KIF21B: variants seen among roughly 807,000 people sequenced by gnomAD.
The protein encoded by KIF21B is kinesin-like protein KIF21B.
KIF21B carries 85 observed loss-of-function variants against 192.9 expected under a neutral mutation model. That is an observed-to-expected ratio of 0.44 (90% CI 0.37 to 0.53). The LOEUF (loss-of-function observed/expected upper bound fraction) is 0.53, where lower values mean the gene tolerates loss of function less well. Ranked by LOEUF, KIF21B falls within the 20% of genes least tolerant of loss-of-function variation. The pLI is 0.00. For synonymous variants in KIF21B, 832 were observed against 884.6 expected (o/e 0.94, Z 1.05); for missense variants, 1,716 against 2,194.8 (o/e 0.78, Z 4.36).
In KIF21B at chr1:200,990,265, C is replaced by G; in HGVS notation, c.2903G>C (p.Ser968Thr). 1.2e-6 allele frequency: 2 copies of G among 1,613,742 alleles called. No homozygotes were observed. The highest frequency in any genetic ancestry group is 1.7e-6 in the Non-Finnish European group (2 of 1,179,938). The change falls in exon 20 of 35, where the codon AGC becomes ACC. Residue 968 changes from serine to threonine, a missense_variant. By Grantham distance (58) the Ser-to-Thr change is moderately conservative. Around this residue, in one of 3 missense-constraint regions of KIF21B, gnomAD observed 1,087 missense variants for 1,316.6 expected, o/e 0.83. Transcript: ENST00000461742. The surrounding 1 kb of genome is among the most constrained non-coding windows in gnomAD (Gnocchi z 5.4). ...RRKRERLQAE[S>T]PEEEKGLQEL... The stretch of plus-strand genomic sequence containing the variant: ...CTGCAGCCCCTTCTCTTCCTCGGGG[C>G]TCTCAGCCTGCAGCCGCTCCCGCTT...
Position 200,999,208 on chromosome 1 carries a change from T to C in KIF21B, c.1885+141A>G, listed in dbSNP as rs1380791741. 3 of 987,314 alleles carry C rather than the reference T, an allele frequency of 3.0e-6. No individual in the cohort carries two copies. Among genetic ancestry groups the C allele is most frequent in the African/African-American group, 1.6e-5 (1 of 63,332 alleles). 61.2% of individuals were successfully genotyped at this position (987,314 alleles called of 1,614,324 possible). A position where few individuals can be genotyped will look rare whatever the true frequency, so the allele number is the denominator to read the frequency against. ...GAAGTGTTTGCCATCATTCTCATCA[T>C]GACTGCCTGTTGTCATTGGTTTCAC... On this transcript the variant is annotated intron_variant, in intron 13 of 34. Transcript: ENST00000461742. This position sits in a 1 kb window ranked among gnomAD's most constrained non-coding sequence, Gnocchi z 4.7.
intron 30 of KIF21B, among the ~76,000 whole-genome samples, chr1:200,978,237 C>T (rs993071477): frequency 2.0e-5 from 3 of 151,828 alleles, no homozygotes; most frequent in East Asian, 1.9e-4. Flanking sequence ...TTAGTAGAGA[C>T]GGGGTTTCAT....
intron 5 of KIF21B, 148 bp downstream of exon 5, chr1:201,005,160 C>G: frequency 8.1e-7 from 1 of 1,227,520 alleles, no homozygotes; most frequent in Non-Finnish European, 1.1e-6. Context: ...AATTGGGCAA[C>G]AAGGCTCAAG....
In KIF21B at chr1:200,982,965, G is replaced by T; in HGVS notation, c.3842+91C>A. The T allele has an allele frequency of 1.7e-6, 2 of 1,192,072 alleles. No homozygotes were observed. The highest frequency in any genetic ancestry group is 2.4e-6 in the Non-Finnish European group (2 of 834,140). The allele number at this position is 1,192,072 out of a possible 1,614,324, so 73.8% of individuals were successfully genotyped here. A position where few individuals can be genotyped will look rare whatever the true frequency, so the allele number is the denominator to read the frequency against. Reference sequence around the variant, plus strand: ...GGGGCCGCATGCTGAGGACACGGGTGTCAGGCGGGAGGGATGCAGCAAGAG... The same window carrying T: ...GGGGCCGCATGCTGAGGACACGGGTTTCAGGCGGGAGGGATGCAGCAAGAG... On this transcript the variant is annotated intron_variant, in intron 28 of 34. Transcript: ENST00000461742. This position sits in a 1 kb window ranked among gnomAD's most constrained non-coding sequence, Gnocchi z 4.7.
chr1:201,021,011 G>A lies in KIF21B; in HGVS notation c.41+2332C>T, dbSNP rs534200834. On this transcript the variant is annotated intron_variant, in intron 1 of 34. Transcript: ENST00000461742. ...ACCTGGCAGGAGGTAGTGAGCCCTGGGGCTGGACTAGGCCCTGGACAAGCC... is the reference window on the plus strand; with the variant it reads ...ACCTGGCAGGAGGTAGTGAGCCCTGAGGCTGGACTAGGCCCTGGACAAGCC... Among the ~76,000 whole-genome samples the A allele has an allele frequency of 4.6e-5, 7 of 152,310 alleles. No homozygotes were observed. The South Asian group carries it at 1.4e-3, about 32-fold the overall frequency.
chr1:201,005,593 G>A lies in KIF21B; in HGVS notation c.549C>T (p.Gly183=). 1 of 1,613,318 alleles carries A rather than the reference G, an allele frequency of 6.2e-7. No individual in the cohort carries two copies. The highest frequency in any genetic ancestry group is 8.5e-7 in the Non-Finnish European group (1 of 1,179,706). ...NIKIHEDANG[G]IYTTGVTSRL... ...GAGAAGTGACGCCAGTGGTGTAGATGCCACCGTTTGCGTCCTCGTGGATCT... is the reference window on the plus strand; with the variant it reads ...GAGAAGTGACGCCAGTGGTGTAGATACCACCGTTTGCGTCCTCGTGGATCT... Residue 183 remains glycine, a synonymous_variant, in exon 4 of 35, where the codon GGC becomes GGT. Coordinates refer to ENST00000461742, the MANE Select transcript of KIF21B (RefSeq NM_001252102.2).
intron 8 of KIF21B, 35 bp downstream of exon 8, chr1:201,003,551 G>A (rs754855243): frequency 6.2e-7 from 1 of 1,607,658 alleles, no homozygotes; most frequent in South Asian, 1.1e-5. Context: ...CTAGCTCCAA[G>A]GGGAGTGCTG....
intron 1 of KIF21B, among the ~76,000 whole-genome samples, chr1:201,011,122 C>T (rs1658209430): frequency 6.6e-6 from 1 of 152,264 alleles, no homozygotes; most frequent in African/African-American, 2.4e-5. Flanking sequence ...TCTTCGTCTC[C>T]CAACTGAATT....
At chr1:201,002,003 A>G in intron 9 of KIF21B, 158 bp downstream of exon 9, 1 of 626,066 alleles carries the variant, frequency 1.6e-6, no homozygotes, top group East Asian at 2.7e-5. Context: ...CTTGTGCCAT[A>G]CAAAAATGTT....
intron 26 of KIF21B, among the ~76,000 whole-genome samples, chr1:200,985,772 C>G (rs1291835562): frequency 2.1e-5 from 2 of 95,780 alleles, no homozygotes; most frequent in African/African-American, 9.1e-5. Context: ...CTCCCCCACT[C>G]CCCTCCCCTT....
intron 27 of KIF21B, among the ~76,000 whole-genome samples, chr1:200,984,437 T>A (rs147501374): frequency 5.9e-5 from 9 of 152,116 alleles, no homozygotes; most frequent in Admixed American, 2.0e-4. Flanking sequence ...GGAAGGCAAT[T>A]TGGGGGTCTG....
intron 8 of KIF21B, chr1:201,002,659 CAA>C: frequency 3.1e-6 from 1 of 317,926 alleles, no homozygotes; most frequent in Non-Finnish European, 5.9e-6. Flanking sequence ...GTCCAAGGGT[CAA>C]AACCCTCTCT....
At chr1:201,010,866 G>C (rs1172711231) in intron 1 of KIF21B, among the ~76,000 whole-genome samples, 1 of 152,226 alleles carries the variant, frequency 6.6e-6, no homozygotes, top group Non-Finnish European at 1.5e-5. Context: ...TCCACGGCAA[G>C]GGAGTTAAAG....
rs1046452080 is a variant in KIF21B at position 201,023,525 on chromosome 1, G to A, written c.-142C>T. 15 of 367,496 alleles carry A rather than the reference G, an allele frequency of 4.1e-5. No individual in the cohort carries two copies. Among genetic ancestry groups the A allele is most frequent in the Non-Finnish European group, 5.8e-5 (14 of 239,916 alleles). The allele number at this position is 367,496 out of a possible 1,614,324, so 22.8% of individuals were successfully genotyped here. A position where few individuals can be genotyped will look rare whatever the true frequency, so the allele number is the denominator to read the frequency against. On this transcript the variant is annotated 5_prime_UTR_variant, in exon 1 of 35. Coordinates refer to ENST00000461742, the MANE Select transcript of KIF21B (RefSeq NM_001252102.2). This position sits in a 1 kb window ranked among gnomAD's most constrained non-coding sequence, Gnocchi z 5.9. ...CGGCGGCGGCGGCTGGAGGTGACAT[G>A]CTCGCGGGCGGCAGGCCGAGGGGCT...
Position 201,004,847 on chromosome 1 carries a change from G to A in KIF21B, c.819C>T (p.Asp273=), listed in dbSNP as rs1238762046. ...ETLTAKFHFV[D]LAGSERLKRT... ...GCTTCAGCCGCTCTGAGCCGGCCAGGTCCACAAAGTGAAACTTAGCAGTGA... is the reference window on the plus strand; with the variant it reads ...GCTTCAGCCGCTCTGAGCCGGCCAGATCCACAAAGTGAAACTTAGCAGTGA... Residue 273 remains aspartate, a synonymous_variant, in exon 6 of 35, where the codon GAC becomes GAT. Coordinates refer to ENST00000461742, the MANE Select transcript of KIF21B (RefSeq NM_001252102.2). 1 of 1,614,018 alleles carries A rather than the reference G, an allele frequency of 6.2e-7. No individual in the cohort carries two copies.
Position 200,990,979 on chromosome 1 carries a change from G to A in KIF21B, c.2625C>T (p.Arg875=), listed in dbSNP as rs748008176. ...SVSSIVRQWN[R]KINHFLGDHP... is the part of the protein sequence containing the mutation. ...GGTCCCCCAAGAAGTGGTTGATTTTGCGGTTCCACTGGCGCACGATGCTGG... is the reference window on the plus strand; with the variant it reads ...GGTCCCCCAAGAAGTGGTTGATTTTACGGTTCCACTGGCGCACGATGCTGG... Residue 875 remains arginine (R), a synonymous_variant, in exon 18 of 35, where the codon CGC becomes CGT. Coordinates refer to ENST00000461742, the MANE Select transcript of KIF21B (RefSeq NM_001252102.2). The surrounding 1 kb of genome is among the most constrained non-coding windows in gnomAD (Gnocchi z 5.4). 2.5e-6 allele frequency: 4 copies of A among 1,614,202 alleles called. No homozygotes were observed. In the Admixed American group the frequency reaches 6.7e-5, roughly 27 times the overall value.
At chr1:201,019,410 C>T (rs1175613297) in intron 1 of KIF21B, among the ~76,000 whole-genome samples, 1 of 152,132 alleles carries the variant, frequency 6.6e-6, no homozygotes, top group Non-Finnish European at 1.5e-5. Flanking sequence ...CTGAGGCCCA[C>T]AAAAGACAAA....
Position 201,020,635 on chromosome 1 carries a change from T to C in KIF21B, c.41+2708A>G, listed in dbSNP as rs901296489. Among the ~76,000 whole-genome samples, 14 of 152,298 alleles carry C rather than the reference T, an allele frequency of 9.2e-5. No homozygotes were observed. In the East Asian group the frequency reaches 2.7e-3, roughly 29 times the overall value. On this transcript the variant is annotated intron_variant, in intron 1 of 34. Transcript: ENST00000461742. The stretch of plus-strand genomic sequence containing the variant: ...ACCCCTGAACTTTCTTCCCTTACCC[T>C]GAGCCCCAGGTCCTGAAAGTTTCCT...
Position 200,988,807 on chromosome 1 carries a change from G to A in KIF21B, c.3257C>T (p.Ala1086Val), listed in dbSNP as rs770301614. The A allele has an allele frequency of 1.2e-6, 2 of 1,613,956 alleles. No homozygotes were observed. The highest frequency in any genetic ancestry group is 2.2e-5 in the East Asian group (1 of 44,886). ...LLDALREKAE[A>V]HPELQALIYN... ...GATGAGGGCCTGCAGCTCGGGGTGA[G>A]CTTCAGCCTTCTCACGCAGGGCGTC... The change falls in exon 22 of 35, where the codon GCT (alanine) becomes GTT (valine). Residue 1086 changes from alanine to valine, a missense_variant. Physicochemically the swap from Ala to Val is moderately conservative, Grantham distance 64. This residue lies in a region of KIF21B where 580 missense variants were observed against 775.5 expected (regional missense o/e 0.75). Coordinates refer to ENST00000461742, the MANE Select transcript of KIF21B (RefSeq NM_001252102.2).
Sources: allele counts gnomAD v4.1 joint callset (sites outside exome capture counted in the v4.1 genomes callset), GRCh38; gene constraint gnomAD v4.1.1; regional missense constraint gnomAD v4.1.1; non-coding constraint Gnocchi (gnomAD v3.1); transcripts MANE v1.5; gene names NCBI Gene and HGNC (gene_info 2026-07-23, HGNC 2026-07-21).